The following ADGRL3 variants were observed in gnomAD, a reference collection of about 807,000 sequenced individuals.
The protein encoded by ADGRL3 is adhesion G protein-coupled receptor L3, also known as calcium-independent alpha-latrotoxin receptor 3.
In ADGRL3, 62 loss-of-function variants were observed where a neutral mutation model predicts 153.5. That is an observed-to-expected ratio of 0.40 (90% CI 0.33 to 0.50). The LOEUF (loss-of-function observed/expected upper bound fraction) is 0.50, where lower values mean the gene tolerates loss of function less well. Among genes scored for constraint, ADGRL3 ranks in the 20% least tolerant of loss-of-function variants. The probability of loss-of-function intolerance (pLI) is 0.47; values close to 1 mark genes in which losing one functional copy is unlikely to be tolerated. For synonymous variants in ADGRL3, 710 were observed against 672.5 expected (o/e 1.06, Z -0.86); for missense variants, 1,641 against 1,859.4 (o/e 0.88, Z 2.16).
At chr4:61,780,389 T>C (rs1242235157) in intron 8 of ADGRL3, among the ~76,000 whole-genome samples, 2 of 152,160 alleles carry the variant, frequency 1.3e-5, no homozygotes, top group African/African-American at 4.8e-5. Context: ...TGTTCATATG[T>C]TGGAGGCGGG....
intron 4 of ADGRL3, among the ~76,000 whole-genome samples, chr4:61,555,699 G>A (rs1227320030): frequency 6.6e-6 from 1 of 152,086 alleles, no homozygotes; most frequent in East Asian, 1.9e-4. Context: ...ATGAGAGAAT[G>A]GCTACTCCAT....
At chr4:61,743,091 C>T (rs1014950500) in intron 8 of ADGRL3, among the ~76,000 whole-genome samples, 1 of 151,434 alleles carries the variant, frequency 6.6e-6, no homozygotes, top group Non-Finnish European at 1.5e-5. Context: ...GAAGCCAAGG[C>T]AGGCGGATCA....
chr4:61,814,962 C>T (rs1336517062), intron 9 of ADGRL3, among the ~76,000 whole-genome samples: 4 of 151,984 alleles, frequency 2.6e-5, no homozygotes, highest in Admixed American at 1.3e-4. Flanking sequence ...CACAGAATGT[C>T]ATATTTATTA....
Position 62,076,241 on chromosome 4 carries a change from C to G in ADGRL3, c.*5333C>G, listed in dbSNP as rs1747098916. On this transcript the variant is annotated 3_prime_UTR_variant, in exon 27 of 27. Coordinates refer to ENST00000683033, the MANE Select transcript of ADGRL3 (RefSeq NM_001387552.1). ...TACTATTCAAATGTCTTGATTTCAG[C>G]TAAGTTTTGATGTTTCTTTTTCTCT... 1 of 152,114 alleles carries G rather than the reference C, an allele frequency of 6.6e-6. No homozygotes were observed. The highest frequency in any genetic ancestry group is 2.4e-5 in the African/African-American group (1 of 41,526). 9.4% of individuals were successfully genotyped at this position (152,114 alleles called of 1,614,324 possible).
intron 1 of ADGRL3, among the ~76,000 whole-genome samples, chr4:61,215,638 G>A (rs1278215032): frequency 7.5e-6 from 1 of 132,860 alleles, no homozygotes; most frequent in Admixed American, 9.2e-5. Context: ...TGCAAGCTCC[G>A]CCTCCCGGGT....
chr4:61,650,046 T>C (rs1314461446), intron 5 of ADGRL3, among the ~76,000 whole-genome samples: 2 of 152,140 alleles, frequency 1.3e-5, no homozygotes, highest in African/African-American at 2.4e-5. Flanking sequence ...TGTTTCCTGC[T>C]CTTTTGGAAG....
At chr4:61,681,253 T>C (rs2095328455) in intron 6 of ADGRL3, among the ~76,000 whole-genome samples, 1 of 152,086 alleles carries the variant, frequency 6.6e-6, no homozygotes, top group South Asian at 2.1e-4. Flanking sequence ...ACTCAGAGTA[T>C]TTCTGAGCAA....
At chr4:62,045,177 C>G (rs148793340) in intron 25 of ADGRL3, among the ~76,000 whole-genome samples, 118 of 151,824 alleles carry the variant, frequency 7.8e-4, no homozygotes, top group Admixed American at 1.6e-3. Flanking sequence ...TTGTGGTTGA[C>G]TTTTTTTCCT....
At chr4:61,354,363 A>G (rs1399789182) in intron 1 of ADGRL3, among the ~76,000 whole-genome samples, 1 of 152,208 alleles carries the variant, frequency 6.6e-6, no homozygotes, top group Non-Finnish European at 1.5e-5. Flanking sequence ...ATGCAACAGT[A>G]CATTACACAA....
At chr4:61,369,614 C>T (rs1343107208) in intron 1 of ADGRL3, among the ~76,000 whole-genome samples, 1 of 152,120 alleles carries the variant, frequency 6.6e-6, no homozygotes, top group African/African-American at 2.4e-5. Context: ...TTTTGATGTG[C>T]TGCTGGATTC....
chr4:61,724,730 T>G (rs1409953776), intron 6 of ADGRL3, among the ~76,000 whole-genome samples: 1 of 152,212 alleles, frequency 6.6e-6, no homozygotes, highest in African/African-American at 2.4e-5. Flanking sequence ...TCAGAATTTT[T>G]GATATGCAAT....
intron 9 of ADGRL3, among the ~76,000 whole-genome samples, chr4:61,846,972 A>G (rs57914962): frequency 0.042 from 6,165 of 147,660 alleles, 263 homozygotes; most frequent in African/African-American, 0.11. Context: ...GTGTGTGTGT[A>G]TATATATGTA....
At chr4:62,036,241 T>C (rs1195775919) in intron 23 of ADGRL3, among the ~76,000 whole-genome samples, 2 of 152,138 alleles carry the variant, frequency 1.3e-5, no homozygotes, top group Non-Finnish European at 2.9e-5. Context: ...TTTTTCATTC[T>C]ATTCTTTATG....
chr4:61,800,696 T>G (rs1580888813), intron 8 of ADGRL3, among the ~76,000 whole-genome samples: 1 of 152,290 alleles, frequency 6.6e-6, no homozygotes, highest in Admixed American at 6.5e-5. Flanking sequence ...AAGTTTATTT[T>G]AATGGGTTAT....
chr4:61,370,389 A>C (rs1490504442), intron 1 of ADGRL3, among the ~76,000 whole-genome samples: 1 of 150,786 alleles, frequency 6.6e-6, no homozygotes, highest in Non-Finnish European at 1.5e-5. Context: ...TTCCGTCTAC[A>C]CACTGCTTTG....
chr4:61,386,454 G>A (rs2096737021), intron 2 of ADGRL3, among the ~76,000 whole-genome samples: 1 of 152,112 alleles, frequency 6.6e-6, no homozygotes, highest in Admixed American at 6.6e-5. Flanking sequence ...AAAATAAATA[G>A]TAAGATTTGT....
intron 2 of ADGRL3, among the ~76,000 whole-genome samples, chr4:61,442,935 C>CT (rs1268968818): frequency 1.3e-5 from 2 of 152,086 alleles, no homozygotes; most frequent in Non-Finnish European, 2.9e-5. Context: ...AAGCCACTGA[C>CT]TGCTGTGGGG....
chr4:61,263,376 C>T (rs1441921802), intron 1 of ADGRL3, among the ~76,000 whole-genome samples: 1 of 150,736 alleles, frequency 6.6e-6, no homozygotes, highest in Non-Finnish European at 1.5e-5. Context: ...TGGGGAGAAA[C>T]CTGGTAACTG....
At chr4:62,068,924 A>T (rs1444544773) in intron 26 of ADGRL3, among the ~76,000 whole-genome samples, 1 of 152,160 alleles carries the variant, frequency 6.6e-6, no homozygotes. Context: ...TTGATAAATA[A>T]TTGCATCACA....
Sources: gnomAD v4.1 joint callset for allele counts (sites outside exome capture counted in the v4.1 genomes callset) on GRCh38, gnomAD v4.1.1 for gene constraint, MANE v1.5 for transcripts, NCBI Gene and HGNC (gene_info 2026-07-23, HGNC 2026-07-21) for gene names.